PLCB1: variants seen among roughly 807,000 people sequenced by gnomAD.
PLCB1 encodes phospholipase C beta 1.
A neutral mutation model predicts 161.8 loss-of-function variants in PLCB1; 46 were observed. The ratio of observed to expected loss-of-function variants is 0.28; its 90% confidence interval spans 0.22 to 0.36. PLCB1 has a LOEUF of 0.36. Ranked by LOEUF, PLCB1 falls within the 10% of genes least tolerant of loss-of-function variation. The pLI is 1.00. For synonymous variants in PLCB1, 517 were observed against 503.7 expected (o/e 1.03, Z -0.35); for missense variants, 1,016 against 1,472.5 (o/e 0.69, Z 5.07).
chr20:8,500,569 T>C (rs989690695), intron 3 of PLCB1, among the ~76,000 whole-genome samples: 2 of 152,180 alleles, frequency 1.3e-5, no homozygotes, highest in Non-Finnish European at 2.9e-5. Context: ...TTTCTGTCAT[T>C]GGGAAGTCAG....
At chr20:8,651,517 T>A in intron 7 of PLCB1, 1 of 717,176 alleles carries the variant, frequency 1.4e-6, no homozygotes, top group Non-Finnish European at 2.6e-6. Context: ...TGCTTGAACC[T>A]GCTTGCTATT....
chr20:8,554,600 G>A (rs1361450987), intron 3 of PLCB1, among the ~76,000 whole-genome samples: 1 of 152,084 alleles, frequency 6.6e-6, no homozygotes, highest in Non-Finnish European at 1.5e-5. Context: ...GCTGATTGTA[G>A]AGTACAAGAG....
chr20:8,369,082 A>G (rs548796963), intron 2 of PLCB1, among the ~76,000 whole-genome samples: 7 of 152,318 alleles, frequency 4.6e-5, no homozygotes, highest in African/African-American at 1.7e-4. Context: ...TACCTGATAC[A>G]TTGTAGGCAT....
chr20:8,776,187 C>T (rs768719440), intron 27 of PLCB1, among the ~76,000 whole-genome samples: 3 of 152,210 alleles, frequency 2.0e-5, no homozygotes, highest in Non-Finnish European at 2.9e-5. Flanking sequence ...GAGTCATTTA[C>T]AGGAAACAGC....
intron 20 of PLCB1, among the ~76,000 whole-genome samples, chr20:8,738,847 T>A (rs1031312620): frequency 6.6e-6 from 1 of 152,174 alleles, no homozygotes; most frequent in Non-Finnish European, 1.5e-5. Flanking sequence ...AAACTTCTAG[T>A]TGGATCTGAA....
chr20:8,311,019 C>T (rs1178035019), intron 2 of PLCB1, among the ~76,000 whole-genome samples: 1 of 152,164 alleles, frequency 6.6e-6, no homozygotes, highest in Non-Finnish European at 1.5e-5. Flanking sequence ...ATACTACTCT[C>T]ACCAGCAATG....
intron 27 of PLCB1, among the ~76,000 whole-genome samples, chr20:8,784,047 C>T (rs1042005572): frequency 6.6e-6 from 1 of 152,152 alleles, no homozygotes; most frequent in Non-Finnish European, 1.5e-5. Context: ...ACAGGTGTAC[C>T]TCACATCCTC....
intron 3 of PLCB1, among the ~76,000 whole-genome samples, chr20:8,560,469 A>G (rs1986106789): frequency 6.6e-6 from 1 of 151,942 alleles, no homozygotes; most frequent in Non-Finnish European, 1.5e-5. Flanking sequence ...TTAAAAAAAA[A>G]TACTGATGTC....
chr20:8,858,947 G>A (rs1464080094), intron 31 of PLCB1, among the ~76,000 whole-genome samples: 2 of 148,942 alleles, frequency 1.3e-5, no homozygotes, highest in African/African-American at 2.5e-5. Context: ...AGTAGTGGAA[G>A]TGGGACAGAT....
At chr20:8,561,784 G>A (rs58705923) in intron 3 of PLCB1, among the ~76,000 whole-genome samples, 1,567 of 152,014 alleles carry the variant, frequency 0.01, 22 homozygotes, top group African/African-American at 0.035. Flanking sequence ...AAGGATTACC[G>A]ATGTAATTGA....
intron 3 of PLCB1, among the ~76,000 whole-genome samples, chr20:8,408,000 G>A (rs1055294146): frequency 6.6e-6 from 1 of 152,156 alleles, no homozygotes; most frequent in Non-Finnish European, 1.5e-5. Context: ...ATGAGTAAAT[G>A]CAATGTGGTA....
intron 2 of PLCB1, among the ~76,000 whole-genome samples, chr20:8,256,294 G>A (rs1301016054): frequency 1.3e-5 from 2 of 152,058 alleles, no homozygotes; most frequent in African/African-American, 2.4e-5. Context: ...GGCCTATCCT[G>A]GGTGGTTCTT....
At chr20:8,191,152 T>A (rs938647769) in intron 2 of PLCB1, among the ~76,000 whole-genome samples, 1 of 151,998 alleles carries the variant, frequency 6.6e-6, no homozygotes, top group African/African-American at 2.4e-5. Context: ...ATTTTTTAAT[T>A]TTTATGGGTA....
intron 3 of PLCB1, among the ~76,000 whole-genome samples, chr20:8,387,913 A>G (rs1987472650): frequency 6.6e-6 from 1 of 151,360 alleles, no homozygotes; most frequent in African/African-American, 2.4e-5. Flanking sequence ...AATCTACTTA[A>G]TGCCACTGAA....
intron 2 of PLCB1, among the ~76,000 whole-genome samples, chr20:8,162,922 A>G (rs922143444): frequency 8.5e-5 from 13 of 152,238 alleles, no homozygotes; most frequent in Admixed American, 6.5e-4. Flanking sequence ...ATATCAGAGT[A>G]TATGCCTTCT....
At chr20:8,639,884 A>G (rs1467092678) in intron 4 of PLCB1, among the ~76,000 whole-genome samples, 1 of 137,754 alleles carries the variant, frequency 7.3e-6, no homozygotes, top group Non-Finnish European at 1.6e-5. Flanking sequence ...CTTTTAAATT[A>G]GAAGACAAGA....
At chr20:8,311,811 G>T (rs925292844) in intron 2 of PLCB1, among the ~76,000 whole-genome samples, 2 of 152,200 alleles carry the variant, frequency 1.3e-5, no homozygotes, top group African/African-American at 4.8e-5. Flanking sequence ...GCTGTCAATT[G>T]ATGCCCTAAA....
At chr20:8,596,728 C>T (rs1197881691) in intron 3 of PLCB1, among the ~76,000 whole-genome samples, 1 of 107,072 alleles carries the variant, frequency 9.3e-6, no homozygotes, top group Non-Finnish European at 1.9e-5. Flanking sequence ...TTCTTCCTAC[C>T]CATGAGCATG....
At chr20:8,611,553 G>A (rs1987904268) in intron 3 of PLCB1, among the ~76,000 whole-genome samples, 1 of 151,960 alleles carries the variant, frequency 6.6e-6, no homozygotes, top group Non-Finnish European at 1.5e-5. Flanking sequence ...CTAAAAACAT[G>A]GCTATATCAT....
Sources: gnomAD v4.1 joint callset for allele counts (sites outside exome capture counted in the v4.1 genomes callset) on GRCh38, gnomAD v4.1.1 for gene constraint, MANE v1.5 for transcripts, NCBI Gene and HGNC (gene_info 2026-07-23, HGNC 2026-07-21) for gene names.